Variants in USP34 observed in about 807,000 individuals in gnomAD.
The protein encoded by USP34 is ubiquitin carboxyl-terminal hydrolase 34.
In USP34, 70 loss-of-function variants were observed where a neutral mutation model predicts 460.3. That is an observed-to-expected ratio of 0.15 (90% CI 0.13 to 0.19). The LOEUF is 0.19. Among genes scored for constraint, USP34 ranks in the 10% least tolerant of loss-of-function variants. The pLI, the probability that USP34 is intolerant of heterozygous loss-of-function variation, is 1.00. For missense variants in USP34, 3,985 were observed against 4,236.2 expected (o/e 0.94, Z 1.65); for synonymous variants, 1,647 against 1,405.3 (o/e 1.17, Z -3.85).
Position 61,349,293 on chromosome 2 carries a change from A to C in USP34, c.1508-8T>G, listed in dbSNP as rs1691868913. The C allele has an allele frequency of 3.1e-6, 5 of 1,612,282 alleles. No homozygotes were observed. The highest frequency in any genetic ancestry group is 3.4e-5 in the Admixed American group (2 of 59,700). On this transcript the variant is annotated splice_region_variant and splice_polypyrimidine_tract_variant and intron_variant, in intron 12 of 79. Transcript: ENST00000398571. Reference sequence around the variant, plus strand: ...TTCTAAGCTCTTCTTCCTCTGAAGGAAAAGGAAAAAACAGGAGAAAAACAT... The same window carrying C: ...TTCTAAGCTCTTCTTCCTCTGAAGGCAAAGGAAAAAACAGGAGAAAAACAT...
rs781038343 is a variant in USP34 at position 61,331,387 on chromosome 2, G to GA, written c.2835-17dup. On this transcript the variant is annotated splice_polypyrimidine_tract_variant and intron_variant, in intron 19 of 79. Transcript: ENST00000398571. ...TTCTGCCCACCTGGCCCAAATAAAA[G>GA]AAAAAATAATTTTAAAGTGGGCAGG... 2 of 1,599,610 alleles carry GA rather than the reference G, an allele frequency of 1.3e-6. No homozygotes were observed. Among genetic ancestry groups the GA allele is most frequent in the Non-Finnish European group, 1.7e-6 (2 of 1,173,916 alleles).
chr2:61,265,717 T>G, intron 42 of USP34, 160 bp from the exon 43 acceptor site: 1 of 731,416 alleles, frequency 1.4e-6, no homozygotes, highest in East Asian at 3.3e-5. Context: ...AGATGAAAAC[T>G]AATTTATTCT....
At chr2:61,282,304 A>T (rs893251628) in intron 37 of USP34, among the ~76,000 whole-genome samples, 1 of 152,208 alleles carries the variant, frequency 6.6e-6, no homozygotes, top group Non-Finnish European at 1.5e-5. Context: ...TAGACAACGC[A>T]GGTTTAAAAA....
chr2:61,195,852 C>T (rs879677590), intron 75 of USP34, among the ~76,000 whole-genome samples: 3 of 150,836 alleles, frequency 2.0e-5, no homozygotes, highest in African/African-American at 7.3e-5. Flanking sequence ...CTGTATACTA[C>T]AATTTCTCTA....
chr2:61,322,144 C>A (rs947798915), intron 21 of USP34, among the ~76,000 whole-genome samples: 1 of 152,006 alleles, frequency 6.6e-6, no homozygotes, highest in Non-Finnish European at 1.5e-5. Flanking sequence ...GCAGGAGAAT[C>A]GCTTGAACCA....
chr2:61,437,627 G>A (rs140695755), intron 1 of USP34, among the ~76,000 whole-genome samples: 2,193 of 151,944 alleles, frequency 0.014, 19 homozygotes, highest in Non-Finnish European at 0.022. Flanking sequence ...CAAAAAATTA[G>A]CCAGGCATGG....
At chr2:61,353,416 C>CGG (rs1692009948) in intron 10 of USP34, among the ~76,000 whole-genome samples, 1 of 141,204 alleles carries the variant, frequency 7.1e-6, no homozygotes, top group African/African-American at 2.6e-5. Context: ...TTTTTTGAGA[C>CGG]AGTCTTGCTC....
chr2:61,320,563 G>A (rs760019987), intron 21 of USP34, among the ~76,000 whole-genome samples: 1 of 152,144 alleles, frequency 6.6e-6, no homozygotes, highest in Non-Finnish European at 1.5e-5. Flanking sequence ...ATATAAAAGT[G>A]TATAAAATAT....
At chr2:61,242,839 A>G (rs1360459629) in intron 51 of USP34, among the ~76,000 whole-genome samples, 1 of 152,152 alleles carries the variant, frequency 6.6e-6, no homozygotes, top group Non-Finnish European at 1.5e-5. Context: ...TTTAAAACAC[A>G]AAGATTCAAA....
chr2:61,448,945 G>C (rs1190206208), intron 1 of USP34, among the ~76,000 whole-genome samples: 1 of 152,096 alleles, frequency 6.6e-6, no homozygotes, highest in Non-Finnish European at 1.5e-5. Context: ...ACCTGAGGTT[G>C]GGAGTTCGAG....
At chr2:61,284,712 A>G (rs1235106035) in intron 35 of USP34, among the ~76,000 whole-genome samples, 163 bp downstream of exon 35, 1 of 152,242 alleles carries the variant, frequency 6.6e-6, no homozygotes, top group African/African-American at 2.4e-5. Flanking sequence ...GACACATTTT[A>G]GCAACAGGTT....
In USP34 at chr2:61,235,868, T is replaced by C; in HGVS notation, c.7009A>G (p.Asn2337Asp). The change falls in exon 57 of 80, where the codon AAT becomes GAT. Residue 2337 changes from asparagine (N) to aspartate (D), a missense_variant. By Grantham distance (23) the Asn-to-Asp change is conservative. Coordinates refer to ENST00000398571, the MANE Select transcript of USP34 (RefSeq NM_014709.4). Reference sequence around the variant, plus strand: ...ACCTCACAAGCTGCCTGACTATTATTAAACTGTTTCGTCAACAGTTCAATC... The same window carrying C: ...ACCTCACAAGCTGCCTGACTATTATCAAACTGTTTCGTCAACAGTTCAATC... ...QWIELLTKQFNNSQAACEWFL... is the reference protein window; with the variant it reads ...QWIELLTKQFDNSQAACEWFL... 6.2e-7 allele frequency: 1 copy of C among 1,613,834 alleles called. No homozygotes were observed. The highest frequency in any genetic ancestry group is 8.5e-7 in the Non-Finnish European group (1 of 1,179,936).
At chr2:61,285,947 T>G (rs567590391) in intron 34 of USP34, among the ~76,000 whole-genome samples, 12 of 152,302 alleles carry the variant, frequency 7.9e-5, no homozygotes, top group Admixed American at 5.9e-4. Context: ...AGGCATTCTG[T>G]GCACATACTT....
chr2:61,327,140 G>A (rs533509630), intron 20 of USP34, among the ~76,000 whole-genome samples: 1 of 152,132 alleles, frequency 6.6e-6, no homozygotes, highest in South Asian at 2.1e-4. Flanking sequence ...AATTTTAACA[G>A]CATCCCAAAA....
chr2:61,234,827 T>G (rs1335135739), intron 57 of USP34, among the ~76,000 whole-genome samples: 2 of 151,860 alleles, frequency 1.3e-5, no homozygotes, highest in East Asian at 3.9e-4. Context: ...AGTAGAGATG[T>G]AGTTTTGCAT....
At chr2:61,360,315 A>G (rs1050622516) in intron 10 of USP34, among the ~76,000 whole-genome samples, 1 of 152,154 alleles carries the variant, frequency 6.6e-6, no homozygotes. Flanking sequence ...ACAACAACAG[A>G]AAACTGTTAG....
chr2:61,204,489 A>G lies in USP34; in HGVS notation c.9259+8T>C, dbSNP rs1412700942. ...CATATTGAAGTACTGTGCTAGATAA[A>G]TACGTACTTGGTATATTACTGTGAT... On this transcript the variant is annotated splice_region_variant and intron_variant, in intron 73 of 79. Transcript: ENST00000398571. 1.2e-6 allele frequency: 2 copies of G among 1,612,894 alleles called. No individual in the cohort carries two copies. The highest frequency in any genetic ancestry group is 1.7e-6 in the Non-Finnish European group (2 of 1,178,924).
Position 61,188,300 on chromosome 2 carries a change from A to G in USP34, c.10443T>C (p.Ala3481=). ...TSISAVLSDL[A]DLRSCDGQAL... Reference sequence around the variant, plus strand: ...CTTGGCCATCACAGCTTCTCAAGTCAGCTAAGTCAGACAGAACTGCAGAGA... The same window carrying G: ...CTTGGCCATCACAGCTTCTCAAGTCGGCTAAGTCAGACAGAACTGCAGAGA... The change falls in exon 80 of 80, where the codon GCT becomes GCC. Residue 3481 remains alanine, a synonymous_variant. Transcript: ENST00000398571. 6.2e-7 allele frequency: 1 copy of G among 1,613,816 alleles called. No individual in the cohort carries two copies. Among genetic ancestry groups the G allele is most frequent in the East Asian group, 2.2e-5 (1 of 44,884 alleles).
Position 61,441,122 on chromosome 2 carries a change from G to A in USP34, c.44-20289C>T, listed in dbSNP as rs898219913. On this transcript the variant is annotated intron_variant, in intron 1 of 79. Coordinates refer to ENST00000398571, the MANE Select transcript of USP34 (RefSeq NM_014709.4). ...CAGCCTGGACAACTGAGTGAGAGCCGCCTCAAAAAAAAAAAAAAATTTTTT... is the reference window on the plus strand; with the variant it reads ...CAGCCTGGACAACTGAGTGAGAGCCACCTCAAAAAAAAAAAAAAATTTTTT... 1.1e-4 allele frequency among the ~76,000 whole-genome samples: 16 copies of A among 143,642 alleles called. No individual in the cohort carries two copies. In the East Asian group the frequency reaches 1.4e-3, roughly 13 times the overall value. 94.2% of individuals were successfully genotyped at this position (143,642 alleles called of 152,430 possible). A position where few individuals can be genotyped will look rare whatever the true frequency, so the allele number is the denominator to read the frequency against.
Sources: allele counts gnomAD v4.1 joint callset (sites outside exome capture counted in the v4.1 genomes callset), GRCh38; gene constraint gnomAD v4.1.1; transcripts MANE v1.5; gene names NCBI Gene and HGNC (gene_info 2026-07-23, HGNC 2026-07-21).